GPR180: variants seen among roughly 807,000 people sequenced by gnomAD.
The protein encoded by GPR180 is G protein-coupled receptor 180, also known as integral membrane protein GPR180.
In GPR180, 53 loss-of-function variants were observed where a neutral mutation model predicts 52.6. The observed-to-expected ratio is 1.01, with a 90% CI of 0.81 to 1.27. The LOEUF (loss-of-function observed/expected upper bound fraction) is 1.27, where lower values mean the gene tolerates loss of function less well. Ranked by LOEUF, GPR180 falls within the 50% of genes most tolerant of loss-of-function variation. The pLI is 0.00. For missense variants in GPR180, 533 were observed against 527.0 expected (o/e 1.01, Z -0.11); for synonymous variants, 200 against 193.1 (o/e 1.04, Z -0.30).
chr13:94,630,632 A>G lies in GPR180; in HGVS notation c.*3461A>G, dbSNP rs1412153499. On this transcript the variant is annotated 3_prime_UTR_variant, in exon 9 of 9. Transcript: ENST00000376958. The stretch of plus-strand genomic sequence containing the variant: ...TACCACTCTCTCACACACATATCCC[A>G]GCCTCATTGTCCTTCATCAAAAAAA... The G allele has an allele frequency of 6.6e-6, 1 of 152,194 alleles. No homozygotes were observed. The highest frequency in any genetic ancestry group is 1.5e-5 in the Non-Finnish European group (1 of 68,048). 9.4% of individuals were successfully genotyped at this position (152,194 alleles called of 1,614,324 possible).
chr13:94,632,365 CACATATAA>C lies in GPR180; in HGVS notation c.*5202_*5209del, dbSNP rs1410712070. On this transcript the variant is annotated 3_prime_UTR_variant, in exon 9 of 9. Coordinates refer to ENST00000376958, the MANE Select transcript of GPR180 (RefSeq NM_180989.6). ...TTATCTTTCTAGAAATGGCCCCATG[CACATATAA>C]ACATATATGAAACACAAATTATAGC... 6.6e-6 allele frequency: 1 copy of C among 152,178 alleles called. No individual in the cohort carries two copies. The highest frequency in any genetic ancestry group is 2.4e-5 in the African/African-American group (1 of 41,436). The allele number at this position is 152,178 out of a possible 1,614,324, so 9.4% of individuals were successfully genotyped here.
chr13:94,620,598 T>C (rs1360589693), intron 5 of GPR180, among the ~76,000 whole-genome samples: 1 of 152,244 alleles, frequency 6.6e-6, no homozygotes, highest in Non-Finnish European at 1.5e-5. Flanking sequence ...ATTGTATTGT[T>C]TCTTGTTAAT....
Position 94,634,131 on chromosome 13 carries a change from A to G in GPR180, c.*6960A>G, listed in dbSNP as rs917393957. On this transcript the variant is annotated 3_prime_UTR_variant, in exon 9 of 9. Coordinates refer to ENST00000376958, the MANE Select transcript of GPR180 (RefSeq NM_180989.6). ...TTCCAATTAGTCTTGCTCATTTTTT[A>G]TATAAACTTTGAAATCAATTTTTCT... The G allele has an allele frequency of 2.0e-5, 3 of 152,082 alleles. No homozygotes were observed. Among genetic ancestry groups the G allele is most frequent in the African/African-American group, 4.8e-5 (2 of 41,430 alleles). 9.4% of individuals were successfully genotyped at this position (152,082 alleles called of 1,614,324 possible).
intron 4 of GPR180, 61 bp downstream of exon 4, chr13:94,619,391 C>T: frequency 6.2e-7 from 1 of 1,600,206 alleles, no homozygotes; most frequent in Non-Finnish European, 8.5e-7. Context: ...AATTAGTCCA[C>T]CAAAATTATG....
chr13:94,625,938 A>G, intron 7 of GPR180, 28 bp from the exon 8 acceptor site: 2 of 1,568,904 alleles, frequency 1.3e-6, no homozygotes, highest in Non-Finnish European at 1.8e-6. Context: ...ACACAGTTCT[A>G]CTTATTTCAC....
chr13:94,626,743 T>C (rs1406895044), intron 8 of GPR180, among the ~76,000 whole-genome samples: 1 of 152,160 alleles, frequency 6.6e-6, no homozygotes, highest in Non-Finnish European at 1.5e-5. Context: ...TTGTCTGTAG[T>C]GCATACCCTT....
chr13:94,612,084 CA>C lies in GPR180; in HGVS notation c.305-104del, dbSNP rs1399500851. ...TACACAAGGTCTTGGATTTCTGAGACAATAAAAATTAAAAGATTGTCCTAAC... is the reference window on the plus strand; with the variant it reads ...TACACAAGGTCTTGGATTTCTGAGACATAAAAATTAAAAGATTGTCCTAAC... On this transcript the variant is annotated intron_variant, in intron 2 of 8. Coordinates refer to ENST00000376958, the MANE Select transcript of GPR180 (RefSeq NM_180989.6). The C allele has an allele frequency of 6.1e-6, 5 of 818,036 alleles. No individual in the cohort carries two copies. In the African/African-American group the frequency reaches 8.6e-5, roughly 14 times the overall value. 50.7% of individuals were successfully genotyped at this position (818,036 alleles called of 1,614,324 possible).
In GPR180 at chr13:94,634,646, T is replaced by A. The variant is rs1266206152; in HGVS notation, c.*7475T>A. On this transcript the variant is annotated 3_prime_UTR_variant, in exon 9 of 9. Coordinates refer to ENST00000376958, the MANE Select transcript of GPR180 (RefSeq NM_180989.6). ...TAAATTTCTGGTTGGCTCTCTTGTG[T>A]TTTCTAGGTAAACAACCGTATTGTC... The A allele has an allele frequency of 2.0e-4, 31 of 152,148 alleles. 1 individual carries two copies. Among genetic ancestry groups the A allele is most frequent in the Admixed American group, 2.0e-3 (31 of 15,274 alleles). 9.4% of individuals were successfully genotyped at this position (152,148 alleles called of 1,614,324 possible). A position where few individuals can be genotyped will look rare whatever the true frequency, so the allele number is the denominator to read the frequency against.
chr13:94,607,230 C>T (rs547431920), intron 2 of GPR180, among the ~76,000 whole-genome samples: 11 of 150,754 alleles, frequency 7.3e-5, no homozygotes, highest in East Asian at 5.8e-4. Flanking sequence ...TTTGCTATTT[C>T]GACAGTCTCC....
rs778213577 is a variant in GPR180 at position 94,623,161 on chromosome 13, A to G, written c.947A>G (p.His316Arg). The G allele has an allele frequency of 1.2e-6, 2 of 1,614,070 alleles. No homozygotes were observed. Among genetic ancestry groups the G allele is most frequent in the Non-Finnish European group, 1.7e-6 (2 of 1,179,974 alleles). The change falls in exon 7 of 9, where the codon CAT (histidine) becomes CGT (arginine). Residue 316 changes from histidine to arginine, a missense_variant. Transcript: ENST00000376958. ...GAAGATATCAGTCATCATAGCTACC[A>G]TTCACACCACAACTTAGCAGGGATC... Reference protein sequence around the residue: ...QFEDISHHSYHSHHNLAGILL... With the variant: ...QFEDISHHSYRSHHNLAGILL...
chr13:94,621,444 A>G (rs550089075), intron 6 of GPR180, among the ~76,000 whole-genome samples: 3 of 152,300 alleles, frequency 2.0e-5, no homozygotes, highest in South Asian at 2.1e-4. Context: ...GGATGCTACT[A>G]TATGTAGACT....
rs1889995715 is a variant in GPR180, at chr13:94,631,409, C to G, written c.*4238C>G. The G allele has an allele frequency of 6.6e-6, 1 of 151,508 alleles. No individual in the cohort carries two copies. The highest frequency in any genetic ancestry group is 1.5e-5 in the Non-Finnish European group (1 of 67,928). 9.4% of individuals were successfully genotyped at this position (151,508 alleles called of 1,614,324 possible). ...AAGATATGTGTATGTGTATTAGATC[C>G]TAGTGGTTCTTTTCTGATCAGACCC... On this transcript the variant is annotated 3_prime_UTR_variant, in exon 9 of 9. Coordinates refer to ENST00000376958, the MANE Select transcript of GPR180 (RefSeq NM_180989.6).
chr13:94,605,618 C>G, intron 2 of GPR180, 69 bp downstream of exon 2: 8 of 1,209,058 alleles, frequency 6.6e-6, no homozygotes, highest in Non-Finnish European at 9.3e-6. Context: ...AATATAGTAC[C>G]ATATGTACAT....
intron 3 of GPR180, among the ~76,000 whole-genome samples, chr13:94,615,009 A>AGTGG (rs1889759412): frequency 6.6e-6 from 1 of 152,240 alleles, no homozygotes; most frequent in Admixed American, 6.5e-5. Context: ...AGTATCAATG[A>AGTGG]GTGGTTCTTA....
At chr13:94,620,951 A>T (rs1889843580) in intron 5 of GPR180, 127 bp from the exon 6 acceptor site, 2 of 769,472 alleles carry the variant, frequency 2.6e-6, no homozygotes, top group African/African-American at 1.8e-5. Context: ...GAATTTCGTT[A>T]GCTTCTCTTT....
At chr13:94,606,483 G>A (rs189568844) in intron 2 of GPR180, among the ~76,000 whole-genome samples, 1 of 152,198 alleles carries the variant, frequency 6.6e-6, no homozygotes, top group Non-Finnish European at 1.5e-5. Flanking sequence ...TTTTAAATAC[G>A]GAAATGAAGA....
At chr13:94,610,340 T>C (rs1205654358) in intron 2 of GPR180, among the ~76,000 whole-genome samples, 1 of 152,222 alleles carries the variant, frequency 6.6e-6, no homozygotes, top group East Asian at 1.9e-4. Flanking sequence ...TAAGACTAAT[T>C]TGTCCTTAAA....
chr13:94,621,055 CGTT>C lies in GPR180; in HGVS notation c.737-21_737-19del, dbSNP rs1566981311. On this transcript the variant is annotated intron_variant, in intron 5 of 8. Transcript: ENST00000376958. ...TTTTATATTGTGAAAACTTGGTTGA[CGTT>C]GGTTTTCATGTCCCATTAGTTTTTG... The C allele has an allele frequency of 1.3e-6, 2 of 1,578,936 alleles. No homozygotes were observed. The highest frequency in any genetic ancestry group is 2.4e-5 in the South Asian group (2 of 83,238).
chr13:94,601,992 G>GT lies in GPR180; in HGVS notation c.66dup (p.Lys23Ter). The GT allele has an allele frequency of 6.7e-7, 1 of 1,487,726 alleles. No homozygotes were observed. The highest frequency in any genetic ancestry group is 2.8e-5 in the East Asian group (1 of 35,302). The allele number at this position is 1,487,726 out of a possible 1,614,324, so 92.2% of individuals were successfully genotyped here. A position where few individuals can be genotyped will look rare whatever the true frequency, so the allele number is the denominator to read the frequency against. ...TGCTGGTGGCCGCAGGGCAGCCAGG[G>GT]TAAGACCCTGCGGGGCAGCTTCAGC... On this transcript the variant is annotated frameshift_variant, in exon 1 of 9. Transcript: ENST00000376958. LOFTEE classifies it high-confidence loss of function.
Sources: allele counts gnomAD v4.1 joint callset (sites outside exome capture counted in the v4.1 genomes callset), GRCh38; gene constraint gnomAD v4.1.1; transcripts MANE v1.5; gene names NCBI Gene and HGNC (gene_info 2026-07-23, HGNC 2026-07-21).